LPA: variants seen among roughly 807,000 people sequenced by gnomAD.
LPA encodes apolipoprotein(a).
Under a neutral mutation model 197.9 loss-of-function variants are expected in LPA, and 199 were observed. That is an observed-to-expected ratio of 1.01 (90% CI 0.90 to 1.13). The LOEUF is 1.13. LPA is among the 50% of genes most tolerant of loss of function. LPA has a pLI of 0.00. For missense variants in LPA, 1,853 were observed against 1,785.8 expected (o/e 1.04, Z -0.68); for synonymous variants, 715 against 639.5 (o/e 1.12, Z -1.78).
chr6:160,626,583 A>C (rs1457939960), intron 10 of LPA, among the ~76,000 whole-genome samples: 5 of 122,036 alleles, frequency 4.1e-5, no homozygotes, highest in Non-Finnish European at 8.5e-5. Context: ...ATTAAGACAT[A>C]CTTTTTTTAT....
At chr6:160,584,983 G>A in intron 26 of LPA, 63 bp downstream of exon 26, 1 of 1,547,700 alleles carries the variant, frequency 6.5e-7, no homozygotes, top group South Asian at 1.1e-5. Context: ...CTTGTAGCAT[G>A]GGCCAGCTAA....
intron 28 of LPA, among the ~76,000 whole-genome samples, chr6:160,571,545 G>T (rs1217194573): frequency 6.6e-6 from 1 of 152,210 alleles, no homozygotes; most frequent in Non-Finnish European, 1.5e-5. Flanking sequence ...GACTGGGGCT[G>T]CTGCCTTTCT....
chr6:160,589,567 T>G lies in LPA; in HGVS notation c.3933A>C (p.Glu1311Asp), dbSNP rs768235276. The G allele has an allele frequency of 7.4e-6, 12 of 1,613,684 alleles. No homozygotes were observed. Among genetic ancestry groups the G allele is most frequent in the African/African-American group, 2.7e-5 (2 of 74,904 alleles). ...CAAAGACATACCCATTTGGGTAGTA[T>G]TCTGTGGTTCTCTGATGCCAGTGTG... ...MTPHWHQRTTEYYPNGGLTRN... is the reference protein window; with the variant it reads ...MTPHWHQRTTDYYPNGGLTRN... The change falls in exon 24 of 39, where the codon GAA becomes GAC. Residue 1311 changes from glutamate (E) to aspartate (D), a missense_variant. Transcript: ENST00000316300.
rs187757157 is a variant in LPA, at chr6:160,536,226, C to A, written c.5842+1629G>T. On this transcript the variant is annotated intron_variant, in intron 37 of 38. Coordinates refer to ENST00000316300, the MANE Select transcript of LPA (RefSeq NM_005577.4). ...GTCACCTTTGTGCCCCCAAATAGTG[C>A]CTACTCCATGATTGGGAGGACCTGG... is the stretch of plus-strand genomic sequence containing the variant. Among the ~76,000 whole-genome samples the A allele has an allele frequency of 3.8e-3, 574 of 152,246 alleles. 6 individuals carry two copies. Among genetic ancestry groups the A allele is most frequent in the African/African-American group, 0.014 (565 of 41,546 alleles).
chr6:160,600,403 A>C (rs886719640), intron 19 of LPA, among the ~76,000 whole-genome samples: 1 of 152,190 alleles, frequency 6.6e-6, no homozygotes, highest in Non-Finnish European at 1.5e-5. Context: ...GGACTGAAAA[A>C]GACCTGAGAG....
intron 23 of LPA, among the ~76,000 whole-genome samples, chr6:160,590,209 G>A (rs993420862): frequency 2.0e-5 from 3 of 152,180 alleles, no homozygotes; most frequent in African/African-American, 7.2e-5. Context: ...AAGACACATT[G>A]TCTCTCAGAG....
At chr6:160,595,216 T>C in intron 21 of LPA, 138 bp downstream of exon 21, 2 of 1,068,770 alleles carry the variant, frequency 1.9e-6, no homozygotes, top group Non-Finnish European at 2.8e-6. Context: ...CGCTGAGTGT[T>C]CCTTCCCAGT....
chr6:160,547,778 A>G lies in LPA; in HGVS notation c.5304+11T>C. 4 of 1,613,966 alleles carry G rather than the reference A, an allele frequency of 2.5e-6. No homozygotes were observed. The highest frequency in any genetic ancestry group is 3.4e-6 in the Non-Finnish European group (4 of 1,179,930). On this transcript the variant is annotated intron_variant, in intron 32 of 38. Transcript: ENST00000316300. ...GCAAAGGGAAAAAGAGTCCAAATCA[A>G]AGTGGCTTACATTTTTTTCCAGACC... is the stretch of plus-strand genomic sequence containing the variant.
At position 160,599,662 on chromosome 6, in the gene LPA, G is replaced by A. The variant is rs755588775; in HGVS notation, c.3128-3C>T. ...CCCGGGGGTTTCCTCAGTCAGTGCT[G>A]AAATTAAAACAGAAGACATCAAGCT... is the stretch of plus-strand genomic sequence containing the variant. On this transcript the variant is annotated splice_polypyrimidine_tract_variant and splice_region_variant and intron_variant, in intron 19 of 38. Transcript: ENST00000316300. 2.8e-5 allele frequency: 45 copies of A among 1,613,816 alleles called. No homozygotes were observed. Among genetic ancestry groups the A allele is most frequent in the Non-Finnish European group, 3.8e-5 (45 of 1,179,914 alleles).
At chr6:160,602,453 A>G (rs1447152274) in intron 18 of LPA, among the ~76,000 whole-genome samples, 1 of 152,224 alleles carries the variant, frequency 6.6e-6, no homozygotes, top group African/African-American at 2.4e-5. Flanking sequence ...TTTTACCTCT[A>G]CATATGCTAA....
At chr6:160,663,884 CTATT>C (rs1780265906) in intron 1 of LPA, among the ~76,000 whole-genome samples, 3 of 152,110 alleles carry the variant, frequency 2.0e-5, no homozygotes, top group African/African-American at 7.2e-5. Context: ...GCTACAATGG[CTATT>C]TATTTTTCAG....
At position 160,611,471 on chromosome 6, in the gene LPA, TG is replaced by T. The variant is rs1286847060; in HGVS notation, c.2603+90del. The T allele has an allele frequency of 1.9e-6, 3 of 1,561,168 alleles. No homozygotes were observed. The African/African-American group carries it at 4.1e-5, about 21-fold the overall frequency. ...TACACCATCTGAATCTGACACAAGTTGAGTTCGGAGAACTCAGCTTGAAGCA... is the reference window on the plus strand; with the variant it reads ...TACACCATCTGAATCTGACACAAGTTAGTTCGGAGAACTCAGCTTGAAGCA... On this transcript the variant is annotated intron_variant, in intron 16 of 38. Transcript: ENST00000316300.
At chr6:160,535,206 TAATAC>T (rs1777869160) in intron 37 of LPA, among the ~76,000 whole-genome samples, 1 of 143,436 alleles carries the variant, frequency 7.0e-6, no homozygotes, top group African/African-American at 2.6e-5. Context: ...GTAGTAATGA[TAATAC>T]AGATGAGGAA....
intron 28 of LPA, among the ~76,000 whole-genome samples, chr6:160,573,982 T>C (rs774456900): frequency 4.6e-5 from 7 of 152,134 alleles, no homozygotes; most frequent in Non-Finnish European, 8.8e-5. Context: ...CTCTTTGTCT[T>C]CTGCTACCAG....
chr6:160,654,011 ATT>A (rs1491127027), intron 1 of LPA, among the ~76,000 whole-genome samples: 128 of 8,294 alleles, frequency 0.015, 4 homozygotes, highest in Middle Eastern at 0.1. Flanking sequence ...TATAATATAT[ATT>A]ATATATAATA....
chr6:160,534,236 C>A (rs550725214), intron 37 of LPA, among the ~76,000 whole-genome samples: 2 of 152,172 alleles, frequency 1.3e-5, no homozygotes, highest in African/African-American at 4.8e-5. Context: ...AAAGGGGCAC[C>A]CTTCTCAAAA....
chr6:160,653,336 C>T (rs1249080784), intron 1 of LPA, among the ~76,000 whole-genome samples: 2 of 152,118 alleles, frequency 1.3e-5, no homozygotes, highest in South Asian at 2.1e-4. Flanking sequence ...GGACACATCA[C>T]CATTAATCCT....
rs573657173 is a variant in LPA at position 160,649,837 on chromosome 6, C to T, written c.209+501G>A. On this transcript the variant is annotated intron_variant, in intron 2 of 38. Transcript: ENST00000316300. ...GCCTTTGCTTCTCTCTTCCTGGCAA[C>T]CCGTATTCCTTCAGACCACTGGTGC... Among the ~76,000 whole-genome samples, 12 of 152,258 alleles carry T rather than the reference C, an allele frequency of 7.9e-5. No individual in the cohort carries two copies. The South Asian group carries it at 8.3e-4, about 11-fold the overall frequency.
chr6:160,606,483 C>T lies in LPA; in HGVS notation c.2779G>A (p.Glu927Lys). Residue 927 changes from glutamate (E) to lysine (K), a missense_variant, in exon 17 of 39, where the codon GAA becomes AAA. By Grantham distance (56) the Glu-to-Lys change is moderately conservative. This residue lies in a region of LPA where 1,737 missense variants were observed against 1,504.4 expected (regional missense o/e 1.15). Transcript: ENST00000316300. ...TPIPSLEAPS[E>K]QAPTEQRPGV... ...CTGGCCACAGGCTCCTTACCTTGTT[C>T]AGAAGGAGCCTCTAGGCTTGGAATC... 1 of 1,613,402 alleles carries T rather than the reference C, an allele frequency of 6.2e-7. No homozygotes were observed. The highest frequency in any genetic ancestry group is 8.5e-7 in the Non-Finnish European group (1 of 1,179,810).
Sources: gnomAD v4.1 joint callset for allele counts (sites outside exome capture counted in the v4.1 genomes callset) on GRCh38, gnomAD v4.1.1 for gene constraint, gnomAD v4.1.1 regional missense constraint, MANE v1.5 for transcripts, NCBI Gene and HGNC (gene_info 2026-07-23, HGNC 2026-07-21) for gene names.